Variants in GRIN2A observed in about 807,000 individuals in gnomAD.
GRIN2A encodes glutamate receptor ionotropic, NMDA 2A.
Under a neutral mutation model 113.4 loss-of-function variants are expected in GRIN2A, and 22 were observed. The ratio of observed to expected loss-of-function variants is 0.19; its 90% CI spans 0.14 to 0.28. GRIN2A has a LOEUF of 0.28. GRIN2A is among the 10% of genes least tolerant of loss of function. The probability of loss-of-function intolerance (pLI) is 1.00; values close to 1 mark genes in which losing one functional copy is unlikely to be tolerated. For synonymous variants in GRIN2A, 827 were observed against 738.4 expected, an observed-to-expected ratio of 1.12 and a Z score of -1.94; for missense variants, 1,502 against 1,887.0, an observed-to-expected ratio of 0.80 and a Z score of 3.78.
At chr16:9,780,379 T>C (rs1038177716) in intron 11 of GRIN2A, among the ~76,000 whole-genome samples, 2 of 152,188 alleles carry the variant, frequency 1.3e-5, no homozygotes, top group Non-Finnish European at 2.9e-5. Flanking sequence ...ATTTGTACGA[T>C]AAAATACCAC....
At chr16:10,071,919 A>G (rs2047760554) in intron 2 of GRIN2A, among the ~76,000 whole-genome samples, 1 of 152,190 alleles carries the variant, frequency 6.6e-6, no homozygotes, top group Non-Finnish European at 1.5e-5. Context: ...CAGAGAAGGA[A>G]ATGGAGGCAC....
intron 2 of GRIN2A, among the ~76,000 whole-genome samples, chr16:10,080,774 C>T (rs893253559): frequency 6.6e-6 from 1 of 152,148 alleles, no homozygotes; most frequent in African/African-American, 2.4e-5. Flanking sequence ...TCTTACCATC[C>T]AAACACCCAC....
intron 8 of GRIN2A, among the ~76,000 whole-genome samples, chr16:9,831,122 A>C: frequency 6.6e-6 from 1 of 152,200 alleles, no homozygotes. Context: ...GTCATTTCCC[A>C]AGAGTTGCCA....
chr16:9,797,941 G>A (rs942999992), intron 11 of GRIN2A, among the ~76,000 whole-genome samples: 22 of 152,218 alleles, frequency 1.4e-4, no homozygotes, highest in African/African-American at 5.3e-4. Context: ...TTCACCCTTT[G>A]AGAACCACTG....
intron 3 of GRIN2A, among the ~76,000 whole-genome samples, chr16:9,916,421 G>A (rs544021892): frequency 1.2e-4 from 18 of 152,198 alleles, no homozygotes; most frequent in Admixed American, 2.0e-4. Context: ...TGAATCTGCC[G>A]GCACGTATAA....
intron 2 of GRIN2A, among the ~76,000 whole-genome samples, chr16:9,985,040 GTGCA>G (rs1176390544): frequency 6.6e-6 from 1 of 151,668 alleles, no homozygotes; most frequent in Middle Eastern, 3.4e-3. Context: ...GCATGCATGC[GTGCA>G]CACACACACA....
intron 10 of GRIN2A, among the ~76,000 whole-genome samples, chr16:9,814,550 A>G (rs2042150414): frequency 6.6e-6 from 1 of 152,170 alleles, no homozygotes; most frequent in Non-Finnish European, 1.5e-5. Context: ...TAATATGCCT[A>G]AACCTAAACT....
intron 2 of GRIN2A, among the ~76,000 whole-genome samples, chr16:10,150,558 C>T (rs1170817107): frequency 6.6e-6 from 1 of 152,156 alleles, no homozygotes; most frequent in Non-Finnish European, 1.5e-5. Context: ...CACTTCCTAT[C>T]TGATCACTCT....
At chr16:10,140,634 C>T (rs1186545916) in intron 2 of GRIN2A, among the ~76,000 whole-genome samples, 1 of 152,206 alleles carries the variant, frequency 6.6e-6, no homozygotes, top group African/African-American at 2.4e-5. Context: ...GCAACTTCAG[C>T]ATCTCCAGCT....
At chr16:9,880,981 T>G (rs2043469476) in intron 4 of GRIN2A, among the ~76,000 whole-genome samples, 1 of 152,232 alleles carries the variant, frequency 6.6e-6, no homozygotes, top group Admixed American at 6.5e-5. Flanking sequence ...ATGTCTTATC[T>G]GCCTTGCAAC....
At chr16:9,778,330 C>T (rs1281355948) in intron 11 of GRIN2A, among the ~76,000 whole-genome samples, 4 of 152,168 alleles carry the variant, frequency 2.6e-5, no homozygotes, top group African/African-American at 9.7e-5. Flanking sequence ...AACCAATCTG[C>T]CTCACACAAA....
At chr16:9,834,268 G>A in intron 7 of GRIN2A, 38 bp from the exon 8 acceptor site, 1 of 1,610,822 alleles carries the variant, frequency 6.2e-7, no homozygotes, top group South Asian at 1.1e-5. Flanking sequence ...AACGTGGTTA[G>A]TTATCTCTTC....
chr16:9,796,935 A>G (rs925683161), intron 11 of GRIN2A, among the ~76,000 whole-genome samples: 4 of 152,254 alleles, frequency 2.6e-5, no homozygotes, highest in Non-Finnish European at 5.9e-5. Flanking sequence ...CAAATGCCCT[A>G]TGGAGAATTC....
chr16:9,863,047 TAA>T (rs1340352562), intron 4 of GRIN2A, among the ~76,000 whole-genome samples: 7 of 152,194 alleles, frequency 4.6e-5, no homozygotes, highest in Non-Finnish European at 2.9e-5. Flanking sequence ...ACAGGGAATT[TAA>T]GTGACTTGCC....
chr16:10,052,977 G>T (rs1167153363), intron 2 of GRIN2A, among the ~76,000 whole-genome samples: 1 of 151,116 alleles, frequency 6.6e-6, no homozygotes, highest in Non-Finnish European at 1.5e-5. Context: ...GATCCTGGGA[G>T]ACAGAGGTTG....
chr16:9,832,946 G>C (rs1031287962), intron 8 of GRIN2A, among the ~76,000 whole-genome samples: 4 of 152,198 alleles, frequency 2.6e-5, no homozygotes, highest in East Asian at 3.9e-4. Context: ...GACCTGTTGA[G>C]TATTTCCAAT....
At chr16:9,981,635 T>A (rs2141777847) in intron 2 of GRIN2A, among the ~76,000 whole-genome samples, 1 of 152,276 alleles carries the variant, frequency 6.6e-6, no homozygotes, top group African/African-American at 2.4e-5. Context: ...ATCATCACAA[T>A]ACCATCATCA....
At chr16:10,087,478 C>A (rs926225321) in intron 2 of GRIN2A, among the ~76,000 whole-genome samples, 1 of 152,166 alleles carries the variant, frequency 6.6e-6, no homozygotes, top group African/African-American at 2.4e-5. Context: ...GAAAGGAGCC[C>A]TCCGTCAGTC....
intron 11 of GRIN2A, among the ~76,000 whole-genome samples, chr16:9,789,553 TACACACACACACACACAC>T (rs71157785): frequency 3.7e-4 from 55 of 149,616 alleles, no homozygotes; most frequent in African/African-American, 1.0e-3. Context: ...GAAACATACA[TACACACACACACACACAC>T]ACACACACAC....
Sources: gnomAD v4.1 joint callset for allele counts (sites outside exome capture counted in the v4.1 genomes callset) on GRCh38, gnomAD v4.1.1 for gene constraint, MANE v1.5 for transcripts, NCBI Gene and HGNC (gene_info 2026-07-23, HGNC 2026-07-21) for gene names.